Variants in ARHGEF12 observed in about 807,000 individuals in gnomAD.
ARHGEF12 encodes KMT2A/ARHGEF12 fusion protein.
ARHGEF12 carries 66 observed loss-of-function variants against 211.2 expected under a neutral mutation model. The ratio of observed to expected loss-of-function variants is 0.31; its 90% confidence interval spans 0.26 to 0.38. The LOEUF (loss-of-function observed/expected upper bound fraction) is 0.38, where lower values mean the gene tolerates loss of function less well. Ranked by LOEUF, ARHGEF12 falls within the 10% of genes least tolerant of loss-of-function variation. ARHGEF12 has a pLI of 1.00. For synonymous variants in ARHGEF12, 592 were observed against 638.4 expected, an observed-to-expected ratio of 0.93 and a Z score of 1.09; for missense variants, 1,429 against 1,869.5, an observed-to-expected ratio of 0.76 and a Z score of 4.34.
At chr11:120,476,481 C>A in intron 33 of ARHGEF12, 180 bp from the exon 34 acceptor site, 1 of 444,572 alleles carries the variant, frequency 2.2e-6, no homozygotes, top group East Asian at 3.2e-5. Context: ...AAATATAGTA[C>A]AATAAATACG....
chr11:120,394,633 GTTCT>G (rs1235890996), intron 1 of ARHGEF12, among the ~76,000 whole-genome samples: 12 of 151,876 alleles, frequency 7.9e-5, no homozygotes, highest in Non-Finnish European at 1.2e-4. Flanking sequence ...CCCAAATCTG[GTTCT>G]TTTGAGAAAA....
intron 39 of ARHGEF12, among the ~76,000 whole-genome samples, chr11:120,483,258 CTT>C (rs777120176): frequency 4.1e-5 from 4 of 97,486 alleles, no homozygotes; most frequent in African/African-American, 8.0e-5. Flanking sequence ...CCATAATAAT[CTT>C]TTTTTTTTTT....
chr11:120,370,680 A>T (rs138577250), intron 1 of ARHGEF12, among the ~76,000 whole-genome samples: 1 of 152,128 alleles, frequency 6.6e-6, no homozygotes, highest in Admixed American at 6.5e-5. Context: ...AAAGTCTTAA[A>T]ACTTTTTTGG....
At chr11:120,433,563 A>G (rs1945608687) in intron 11 of ARHGEF12, among the ~76,000 whole-genome samples, 1 of 152,246 alleles carries the variant, frequency 6.6e-6, no homozygotes, top group South Asian at 2.1e-4. Flanking sequence ...AATTGTAGGC[A>G]TTCAGAGCAA....
At chr11:120,414,588 C>A (rs891088358) in intron 4 of ARHGEF12, among the ~76,000 whole-genome samples, 1 of 151,998 alleles carries the variant, frequency 6.6e-6, no homozygotes, top group African/African-American at 2.4e-5. Context: ...AAAAGAATTG[C>A]AATACATTTT....
intron 1 of ARHGEF12, chr11:120,405,885 A>G (rs1282145913): frequency 8.1e-6 from 3 of 370,638 alleles, no homozygotes; most frequent in African/African-American, 2.1e-5. Flanking sequence ...AAGAAAAGCT[A>G]TATTCTAGGA....
intron 7 of ARHGEF12, among the ~76,000 whole-genome samples, chr11:120,426,522 A>G (rs1378654750): frequency 6.6e-6 from 1 of 152,236 alleles, no homozygotes; most frequent in Non-Finnish European, 1.5e-5. Context: ...AAATCAGAGC[A>G]GTTTAGAAAC....
At chr11:120,378,676 A>T (rs1206892565) in intron 1 of ARHGEF12, among the ~76,000 whole-genome samples, 1 of 152,238 alleles carries the variant, frequency 6.6e-6, no homozygotes, top group African/African-American at 2.4e-5. Flanking sequence ...GGTAAGGATT[A>T]AAGTTTGTGC....
chr11:120,446,417 G>A lies in ARHGEF12; in HGVS notation c.1360G>A (p.Glu454Lys). Residue 454 changes from glutamate (E) to lysine (K), a missense_variant, in exon 17 of 41, where the codon GAG becomes AAG. Glu to Lys is a moderately conservative substitution (Grantham distance 56, BLOSUM62 1). This residue lies in a region of ARHGEF12 where 373 missense variants were observed against 467.5 expected (regional missense o/e 0.80). Coordinates refer to ENST00000397843, the MANE Select transcript of ARHGEF12 (RefSeq NM_015313.3). ...MSADLEKRRP[E>K]LIPEDLHRHY... ...CATTTATGAAGAAAAGAGAAGACCT[G>A]AGCTCATTCCTGAGGATCTGCATCG... 6.2e-7 allele frequency: 1 copy of A among 1,612,392 alleles called. No homozygotes were observed. Among genetic ancestry groups the A allele is most frequent in the Non-Finnish European group, 8.5e-7 (1 of 1,179,344 alleles).
intron 11 of ARHGEF12, 125 bp from the exon 12 acceptor site, chr11:120,437,183 A>G (rs1945718464): frequency 6.9e-6 from 4 of 578,340 alleles, no homozygotes; most frequent in Admixed American, 3.6e-5. Flanking sequence ...GCATTTTACG[A>G]AAGATATTTA....
intron 1 of ARHGEF12, among the ~76,000 whole-genome samples, chr11:120,346,057 T>G (rs1192361334): frequency 6.6e-6 from 1 of 152,108 alleles, no homozygotes; most frequent in Non-Finnish European, 1.5e-5. Context: ...TAAAAAAAAG[T>G]ATTCCTACAC....
intron 21 of ARHGEF12, chr11:120,450,887 C>G (rs935588498): frequency 1.8e-4 from 27 of 151,984 alleles, no homozygotes; most frequent in Admixed American, 1.1e-3. Flanking sequence ...CTCTGTCCAC[C>G]ATTCCTCTCC....
At chr11:120,398,008 G>A (rs1207611080) in intron 1 of ARHGEF12, among the ~76,000 whole-genome samples, 3 of 152,192 alleles carry the variant, frequency 2.0e-5, no homozygotes, top group South Asian at 2.1e-4. Flanking sequence ...AAGTTTATAC[G>A]TGTACTTCTT....
intron 1 of ARHGEF12, among the ~76,000 whole-genome samples, chr11:120,378,551 G>C (rs1052405447): frequency 2.0e-5 from 3 of 151,996 alleles, no homozygotes; most frequent in Non-Finnish European, 2.9e-5. Flanking sequence ...TAAATATCTT[G>C]ACTTAACCCA....
intron 27 of ARHGEF12, chr11:120,464,295 T>G (rs1946632487): frequency 6.6e-6 from 1 of 152,122 alleles, no homozygotes; most frequent in South Asian, 2.1e-4. Context: ...AATTAAATTT[T>G]AGGCCAGATG....
At chr11:120,455,919 A>G (rs1245958219) in intron 22 of ARHGEF12, among the ~76,000 whole-genome samples, 3 of 152,244 alleles carry the variant, frequency 2.0e-5, no homozygotes, top group African/African-American at 7.2e-5. Context: ...GAAGCAAAAT[A>G]AAAAGTGGCA....
intron 1 of ARHGEF12, among the ~76,000 whole-genome samples, chr11:120,358,598 A>T (rs1943195006): frequency 6.6e-6 from 1 of 152,196 alleles, no homozygotes; most frequent in Admixed American, 6.5e-5. Context: ...TAACCACAAG[A>T]CAAATGTGGC....
At chr11:120,377,185 G>A (rs1943750124) in intron 1 of ARHGEF12, among the ~76,000 whole-genome samples, 1 of 152,076 alleles carries the variant, frequency 6.6e-6, no homozygotes, top group Non-Finnish European at 1.5e-5. Context: ...TGACAAGTGT[G>A]TATACTTTTT....
At chr11:120,478,124 A>G (rs370841345) in intron 36 of ARHGEF12, 32 bp from the exon 37 acceptor site, 4 of 1,464,922 alleles carry the variant, frequency 2.7e-6, no homozygotes, top group East Asian at 2.3e-5. Context: ...CTTTGTTTAG[A>G]TATAGTCTAC....
Sources: allele counts gnomAD v4.1 joint callset (sites outside exome capture counted in the v4.1 genomes callset), GRCh38; gene constraint gnomAD v4.1.1; regional missense constraint gnomAD v4.1.1; transcripts MANE v1.5; gene names NCBI Gene and HGNC (gene_info 2026-07-23, HGNC 2026-07-21).